The following DACH2 variants were observed in gnomAD, a reference collection of about 807,000 sequenced individuals.
DACH2 encodes dachshund family transcription factor 2.
DACH2 carries 17 observed loss-of-function variants against 35.8 expected under a neutral mutation model. That is an observed-to-expected ratio of 0.48 (90% confidence interval 0.33 to 0.71). The LOEUF is 0.71. DACH2 is among the 30% of genes least tolerant of loss of function. The pLI, the probability that DACH2 is intolerant of heterozygous loss-of-function variation, is 0.02. For missense variants in DACH2, 469 were observed against 472.7 expected, an observed-to-expected ratio of 0.99 and a Z score of 0.07; for synonymous variants, 195 against 177.3, an observed-to-expected ratio of 1.10 and a Z score of -0.79.
intron 1 of DACH2, among the ~76,000 whole-genome samples, chrX:86,200,884 T>G (rs1233910265): frequency 9.0e-6 from 1 of 111,371 alleles, no homozygotes; most frequent in Non-Finnish European, 1.9e-5. Flanking sequence ...TGGTGATTCC[T>G]CAAAGACCTA....
intron 5 of DACH2, among the ~76,000 whole-genome samples, chrX:86,713,760 G>A (rs181061246): frequency 9.0e-6 from 1 of 111,522 alleles, no homozygotes; most frequent in African/African-American, 3.3e-5. Flanking sequence ...AGTAGACAAC[G>A]ATTTTAATGT....
At chrX:86,698,650 C>T (rs1479924267) in intron 5 of DACH2, among the ~76,000 whole-genome samples, 2 of 103,256 alleles carry the variant, frequency 1.9e-5, no homozygotes, top group African/African-American at 7.1e-5. Context: ...AACTAACCCC[C>T]TCCATCCCCC....
chrX:86,717,341 G>A (rs953111893), intron 6 of DACH2, among the ~76,000 whole-genome samples: 6 of 110,753 alleles, frequency 5.4e-5, no homozygotes, highest in Non-Finnish European at 1.1e-4. Context: ...TTGTCTTTCT[G>A]TGCCTGACTT....
At chrX:86,556,783 TATATATATATATAGAGAGAGAGAG>T (rs1454099594) in intron 3 of DACH2, among the ~76,000 whole-genome samples, 35 of 56,972 alleles carry the variant, frequency 6.1e-4, no homozygotes, top group African/African-American at 2.5e-3. Flanking sequence ...TATATATATA[TATATATATATATAGAGAGAGAGAG>T]AGAGAGAGAG....
chrX:86,832,313 A>G lies in DACH2; in HGVS notation c.*158A>G. 2.2e-6 allele frequency: 1 copy of G among 451,213 alleles called. No individual in the cohort carries two copies. Among genetic ancestry groups the G allele is most frequent in the South Asian group, 3.8e-5 (1 of 26,182 alleles). 37.2% of individuals were successfully genotyped at this position (451,213 alleles called of 1,213,427 possible). On this transcript the variant is annotated 3_prime_UTR_variant, in exon 12 of 12. Coordinates refer to ENST00000373125, the MANE Select transcript of DACH2 (RefSeq NM_053281.3). ...GTTACATTAAAAAAGAAACGCGTGT[A>G]CATTTTAAAAGCAATGATGTAAACT...
At chrX:86,312,648 G>A (rs1418787762) in intron 1 of DACH2, among the ~76,000 whole-genome samples, 2 of 111,811 alleles carry the variant, frequency 1.8e-5, no homozygotes, top group Admixed American at 9.5e-5. Flanking sequence ...GCAGAAAAAT[G>A]TGAAAGGCAT....
intron 6 of DACH2, among the ~76,000 whole-genome samples, chrX:86,717,679 C>A (rs2041352829): frequency 9.5e-6 from 1 of 105,514 alleles, no homozygotes; most frequent in South Asian, 4.1e-4. Flanking sequence ...ACAACACAAA[C>A]AAATGATGAA....
In DACH2 at chrX:86,282,777, T is replaced by C. The variant is rs796312241; in HGVS notation, c.489-94047T>C. Among the ~76,000 whole-genome samples, 2 of 15,701 alleles carry C rather than the reference T, an allele frequency of 1.3e-4. 1 individual carries two copies. The highest frequency in any genetic ancestry group is 1.9e-4 in the Non-Finnish European group (2 of 10,609). 13.6% of individuals were successfully genotyped at this position (15,701 alleles called of 115,157 possible). ...CAAATGCTATGAACAGACACTTCTT[T>C]TTTTTTTTTTTTTTTTTTGAGACGG... is the stretch of plus-strand genomic sequence containing the variant. On this transcript the variant is annotated intron_variant, in intron 1 of 11. Coordinates refer to ENST00000373125, the MANE Select transcript of DACH2 (RefSeq NM_053281.3).
intron 1 of DACH2, among the ~76,000 whole-genome samples, chrX:86,328,278 G>A (rs2035150899): frequency 9.0e-6 from 1 of 111,584 alleles, no homozygotes; most frequent in Non-Finnish European, 1.9e-5. Flanking sequence ...TGGGAGAGAA[G>A]CATATATTGT....
chrX:86,831,606 G>A (rs5923653), intron 11 of DACH2: 45,713 of 109,556 alleles, frequency 0.42, 7,501 homozygotes, highest in African/African-American at 0.54. Context: ...AGGGATACCG[G>A]TTTGACTAAA....
intron 3 of DACH2, among the ~76,000 whole-genome samples, chrX:86,650,497 A>G (rs1408394621): frequency 9.0e-6 from 1 of 111,130 alleles, no homozygotes; most frequent in East Asian, 2.8e-4. Flanking sequence ...GAGGATACAC[A>G]CTCAAAGGGG....
At chrX:86,782,973 C>T (rs2042102908) in intron 7 of DACH2, among the ~76,000 whole-genome samples, 1 of 111,242 alleles carries the variant, frequency 9.0e-6, no homozygotes, top group African/African-American at 3.3e-5. Flanking sequence ...AAAAGTGAAG[C>T]GACATCCCAC....
At chrX:86,594,181 C>A (rs919784687) in intron 3 of DACH2, among the ~76,000 whole-genome samples, 1 of 111,088 alleles carries the variant, frequency 9.0e-6, no homozygotes, top group Non-Finnish European at 1.9e-5. Flanking sequence ...TTTTTAGGAA[C>A]AGTAATGATA....
chrX:86,771,044 T>C (rs1280012822), intron 7 of DACH2, among the ~76,000 whole-genome samples: 1 of 113,348 alleles, frequency 8.8e-6, no homozygotes, highest in Admixed American at 9.3e-5. Flanking sequence ...AACAAAAATA[T>C]TCATATCCTT....
At chrX:86,461,888 T>C (rs1204154529) in intron 2 of DACH2, among the ~76,000 whole-genome samples, 1 of 111,844 alleles carries the variant, frequency 8.9e-6, no homozygotes, top group Admixed American at 9.5e-5. Flanking sequence ...TTTTGACATC[T>C]ACTTTTTCAA....
chrX:86,566,742 T>TC (rs2039297791), intron 3 of DACH2, among the ~76,000 whole-genome samples: 3 of 103,572 alleles, frequency 2.9e-5, no homozygotes, highest in Non-Finnish European at 6.2e-5. Flanking sequence ...TCATCATCAT[T>TC]ATAATGACCT....
At chrX:86,469,631 T>C (rs998911721) in intron 2 of DACH2, among the ~76,000 whole-genome samples, 9 of 110,984 alleles carry the variant, frequency 8.1e-5, no homozygotes, top group Non-Finnish European at 1.3e-4. Flanking sequence ...TGAAGACATA[T>C]TTTAGTGTCT....
intron 1 of DACH2, among the ~76,000 whole-genome samples, chrX:86,276,725 C>G: frequency 8.9e-6 from 1 of 112,025 alleles, no homozygotes; most frequent in East Asian, 2.8e-4. Flanking sequence ...AGATAGAGAT[C>G]TGGTTTCATT....
At chrX:86,761,276 T>G (rs1399490052) in intron 7 of DACH2, among the ~76,000 whole-genome samples, 1 of 111,223 alleles carries the variant, frequency 9.0e-6, no homozygotes, top group Non-Finnish European at 1.9e-5. Context: ...TTCCCACTTA[T>G]GAGTGAGAAC....
Sources: allele counts gnomAD v4.1 joint callset (sites outside exome capture counted in the v4.1 genomes callset), GRCh38; gene constraint gnomAD v4.1.1; transcripts MANE v1.5; gene names NCBI Gene and HGNC (gene_info 2026-07-23, HGNC 2026-07-21).